The following MYO9A variants were observed in gnomAD, a reference collection of about 807,000 sequenced individuals.
MYO9A encodes unconventional myosin-IXa.
A neutral mutation model predicts 293.3 loss-of-function variants in MYO9A; 103 were observed. The ratio of observed to expected loss-of-function variants is 0.35; its 90% CI spans 0.30 to 0.41. The LOEUF is 0.41. Among genes scored for constraint, MYO9A ranks in the 10% least tolerant of loss-of-function variants. MYO9A has a pLI of 1.00. For synonymous variants in MYO9A, 1,001 were observed against 1,035.7 expected (o/e 0.97, Z 0.64); for missense variants, 2,685 against 3,033.0 (o/e 0.89, Z 2.69).
At chr15:71,841,976 A>C (rs1313012559) in intron 39 of MYO9A, among the ~76,000 whole-genome samples, 2 of 152,054 alleles carry the variant, frequency 1.3e-5, no homozygotes, top group African/African-American at 4.8e-5. Flanking sequence ...CTACATTTAT[A>C]TATCAAGTGC....
At chr15:72,057,538 G>C (rs2078755966) in intron 1 of MYO9A, among the ~76,000 whole-genome samples, 1 of 152,172 alleles carries the variant, frequency 6.6e-6, no homozygotes, top group Non-Finnish European at 1.5e-5. Context: ...AGATAAGGGA[G>C]AAGAGAGACA....
Position 71,903,948 on chromosome 15 carries a change from C to T in MYO9A, c.2858G>A (p.Ser953Asn). ...CAGAACCTGGAAAGAATATTTGGAG[C>T]TGTATCCTGATTGGCGAATTCGAAC... ...ETVRIRQSGY[S>N]SKYSFQDFVS... The change falls in exon 21 of 42, where the codon AGC becomes AAC. Residue 953 changes from serine to asparagine, a missense_variant. Ser to Asn is a conservative substitution (Grantham distance 46). Around this residue, in one of 10 missense-constraint regions of MYO9A, gnomAD observed 1,434 missense variants for 1,497.7 expected, o/e 0.96. Coordinates refer to ENST00000356056, the MANE Select transcript of MYO9A (RefSeq NM_006901.4). 1.9e-6 allele frequency: 3 copies of T among 1,613,842 alleles called. No homozygotes were observed. The highest frequency in any genetic ancestry group is 2.5e-6 in the Non-Finnish European group (3 of 1,179,902).
chr15:71,946,877 G>A (rs2058929941), intron 15 of MYO9A, among the ~76,000 whole-genome samples: 2 of 152,200 alleles, frequency 1.3e-5, no homozygotes, highest in South Asian at 4.1e-4. Flanking sequence ...ACTTTGGGAG[G>A]CCAAAGCAGG....
At chr15:71,995,870 A>G (rs2148539248) in intron 9 of MYO9A, among the ~76,000 whole-genome samples, 1 of 152,254 alleles carries the variant, frequency 6.6e-6, no homozygotes, top group East Asian at 1.9e-4. Context: ...AACCTACCAC[A>G]TAGGTGATGA....
At position 71,901,771 on chromosome 15, in the gene MYO9A, A is replaced by C. The variant is rs549880872; in HGVS notation, c.3001-431T>G. ...GCCAGAGATTATGATACATTAGTCC[A>C]TTGGGGAAACCACTGCTATGAGTAA... is the stretch of plus-strand genomic sequence containing the variant. On this transcript the variant is annotated intron_variant, in intron 22 of 41. Transcript: ENST00000356056. 2.6e-3 allele frequency among the ~76,000 whole-genome samples: 395 copies of C among 152,308 alleles called. 3 individuals are homozygous for C. The highest frequency in any genetic ancestry group is 9.0e-3 in the African/African-American group (374 of 41,574).
chr15:72,030,110 C>T (rs1018315880), intron 3 of MYO9A, among the ~76,000 whole-genome samples: 7 of 152,164 alleles, frequency 4.6e-5, no homozygotes, highest in Admixed American at 2.0e-4. Flanking sequence ...AAATCCATTG[C>T]CACTACCACC....
chr15:72,073,747 C>T lies in MYO9A; in HGVS notation c.-71-27113G>A, dbSNP rs188712709. On this transcript the variant is annotated intron_variant, in intron 1 of 41. Transcript: ENST00000356056. ...AGACCAAATTGAGGTATCTACTAAC[C>T]GAAAGGAAACAAAAGGAAAGGCCAC... Among the ~76,000 whole-genome samples the T allele has an allele frequency of 5.9e-5, 9 of 151,986 alleles. No homozygotes were observed. In the East Asian group the frequency reaches 1.3e-3, roughly 23 times the overall value.
intron 12 of MYO9A, chr15:71,972,174 C>G (rs144829484): frequency 1.3e-5 from 2 of 152,158 alleles, no homozygotes; most frequent in East Asian, 3.9e-4. Flanking sequence ...TGTAATGAAG[C>G]CTCCATAAAA....
chr15:71,972,958 G>C (rs2076051908), intron 12 of MYO9A, among the ~76,000 whole-genome samples: 1 of 152,072 alleles, frequency 6.6e-6, no homozygotes, highest in Non-Finnish European at 1.5e-5. Context: ...AAATGAACTG[G>C]CTGTTATAAA....
intron 32 of MYO9A, among the ~76,000 whole-genome samples, chr15:71,864,826 G>C (rs1241536929): frequency 1.3e-5 from 2 of 152,128 alleles, no homozygotes; most frequent in African/African-American, 4.8e-5. Flanking sequence ...GTAAAGAGCA[G>C]TGACTGTAAA....
chr15:72,080,325 T>C (rs1387141322), intron 1 of MYO9A, among the ~76,000 whole-genome samples: 5 of 150,026 alleles, frequency 3.3e-5, no homozygotes, highest in Admixed American at 3.3e-4. Context: ...TTTTTTTTTT[T>C]GGTAAATGTG....
chr15:71,993,327 G>A (rs1212293794), intron 10 of MYO9A, among the ~76,000 whole-genome samples: 1 of 149,776 alleles, frequency 6.7e-6, no homozygotes, highest in Non-Finnish European at 1.5e-5. Flanking sequence ...TCCAGCTTGG[G>A]CAAAAAAAAT....
In MYO9A at chr15:71,822,369, A is replaced by G. The variant is rs570710691; in HGVS notation, c.*4211T>C. 6 of 152,148 alleles carry G rather than the reference A, an allele frequency of 3.9e-5. No individual in the cohort carries two copies. Among genetic ancestry groups the G allele is most frequent in the African/African-American group, 1.2e-4 (5 of 41,418 alleles). The allele number at this position is 152,148 out of a possible 1,614,324, so 9.4% of individuals were successfully genotyped here. On this transcript the variant is annotated 3_prime_UTR_variant, in exon 42 of 42. Coordinates refer to ENST00000356056, the MANE Select transcript of MYO9A (RefSeq NM_006901.4). ...CTGCTTTTGTGTAGCCATACAGTGC[A>G]TATTTTGAGTGACACAAACTGCACT... is the stretch of plus-strand genomic sequence containing the variant.
In MYO9A at chr15:71,858,197, G is replaced by A. The variant is rs537899429; in HGVS notation, c.6153+1538C>T. Among the ~76,000 whole-genome samples, 5 of 152,336 alleles carry A rather than the reference G, an allele frequency of 3.3e-5. No homozygotes were observed. The South Asian group carries it at 1.0e-3, about 32-fold the overall frequency. On this transcript the variant is annotated intron_variant, in intron 34 of 41. Coordinates refer to ENST00000356056, the MANE Select transcript of MYO9A (RefSeq NM_006901.4). ...GTTCAACCATTGTGGAAGACAGTGT[G>A]GTGATTCCTCAAGGATCTACAACTA...
At chr15:71,848,740 T>C in intron 39 of MYO9A, 105 bp downstream of exon 39, 1 of 1,345,640 alleles carries the variant, frequency 7.4e-7, no homozygotes, top group East Asian at 2.5e-5. Flanking sequence ...TTACTTGTTT[T>C]TTATAAAAAA....
chr15:71,868,705 C>T (rs979029596), intron 32 of MYO9A, among the ~76,000 whole-genome samples: 1 of 152,046 alleles, frequency 6.6e-6, no homozygotes, highest in African/African-American at 2.4e-5. Context: ...TAACATGCTA[C>T]ATTTTATGTG....
Position 71,916,427 on chromosome 15 carries a change from C to T in MYO9A, c.2628G>A (p.Lys876=). 1 of 1,613,524 alleles carries T rather than the reference C, an allele frequency of 6.2e-7. No homozygotes were observed. Among genetic ancestry groups the T allele is most frequent in the South Asian group, 1.1e-5 (1 of 91,000 alleles). The change falls in exon 19 of 42, where the codon AAG becomes AAA. Residue 876 remains lysine (K), a synonymous_variant. Coordinates refer to ENST00000356056, the MANE Select transcript of MYO9A (RefSeq NM_006901.4). ...TRLTLQDRIT[K]SLLHLHKKKK... is the part of the protein sequence containing the mutation. Reference sequence around the variant, plus strand: ...TCTTCTTGTGTAAATGAAGAAGAGACTTGGTAATGCGATCTTGTAGTGTCA... The same window carrying T: ...TCTTCTTGTGTAAATGAAGAAGAGATTTGGTAATGCGATCTTGTAGTGTCA...
intron 11 of MYO9A, among the ~76,000 whole-genome samples, chr15:71,989,576 C>A (rs1238786993): frequency 2.0e-5 from 3 of 152,148 alleles, no homozygotes; most frequent in African/African-American, 4.8e-5. Context: ...ACTGACTGTA[C>A]TTAGCATTAC....
At chr15:71,877,603 G>T (rs540670479) in intron 31 of MYO9A, among the ~76,000 whole-genome samples, 1 of 152,002 alleles carries the variant, frequency 6.6e-6, no homozygotes, top group East Asian at 1.9e-4. Flanking sequence ...AATTACAGGC[G>T]CCTGCCATCA....
Sources: gnomAD v4.1 joint callset for allele counts (sites outside exome capture counted in the v4.1 genomes callset) on GRCh38, gnomAD v4.1.1 for gene constraint, gnomAD v4.1.1 regional missense constraint, MANE v1.5 for transcripts, NCBI Gene and HGNC (gene_info 2026-07-23, HGNC 2026-07-21) for gene names.